Variants in RAB27A observed in about 807,000 individuals in gnomAD.
The protein encoded by RAB27A is ras-related protein Rab-27A.
A neutral mutation model predicts 20.8 loss-of-function variants in RAB27A; 17 were observed. The observed-to-expected ratio is 0.82, with a 90% CI of 0.56 to 1.23. The LOEUF is 1.23. RAB27A is among the 50% of genes most tolerant of loss of function. RAB27A has a pLI of 0.00. For synonymous variants in RAB27A, 85 were observed against 92.8 expected (o/e 0.92, Z 0.48); for missense variants, 277 against 266.7 (o/e 1.04, Z -0.27).
At chr15:55,263,626 G>A (rs544619750) in intron 2 of RAB27A, among the ~76,000 whole-genome samples, 3 of 152,140 alleles carry the variant, frequency 2.0e-5, no homozygotes, top group African/African-American at 4.8e-5. Context: ...AAGGAATAAC[G>A]TTTATGCATT....
At chr15:55,227,015 T>A (rs1240473736) in intron 5 of RAB27A, among the ~76,000 whole-genome samples, 1 of 152,186 alleles carries the variant, frequency 6.6e-6, no homozygotes, top group Admixed American at 6.5e-5. Context: ...CACTGAACAT[T>A]ACACCTTTTT....
At chr15:55,232,757 A>T (rs1247652561) in intron 3 of RAB27A, among the ~76,000 whole-genome samples, 1 of 152,192 alleles carries the variant, frequency 6.6e-6, no homozygotes, top group African/African-American at 2.4e-5. Flanking sequence ...TAAAAATGTA[A>T]CTGCATAGTA....
intron 5 of RAB27A, among the ~76,000 whole-genome samples, chr15:55,225,118 T>C (rs536686156): frequency 1.3e-5 from 2 of 152,352 alleles, no homozygotes; most frequent in South Asian, 4.1e-4. Flanking sequence ...CATCACTGAA[T>C]ACTTAACCAC....
At position 55,299,781 on chromosome 15, in the gene RAB27A, G is replaced by T. The variant is rs193301753; in HGVS notation, c.-112+14258C>A. Among the ~76,000 whole-genome samples, 1,237 of 151,770 alleles carry T rather than the reference G, an allele frequency of 8.2e-3. 11 individuals are homozygous for T. Among genetic ancestry groups the T allele is most frequent in the Middle Eastern group, 0.017 (5 of 292 alleles). On this transcript the variant is annotated intron_variant, in intron 2 of 5. Coordinates refer to the RAB27A transcript ENST00000563262. ...ACTTGGGAGAATTTGGATGATACAT[G>T]AAATTAGATAATAATGTTATAGCAA...
chr15:55,267,503 C>G (rs937526820), intron 2 of RAB27A, among the ~76,000 whole-genome samples: 3 of 152,202 alleles, frequency 2.0e-5, no homozygotes, highest in African/African-American at 7.2e-5. Context: ...GGGCAGGGCC[C>G]CAGCCACGCT....
At chr15:55,230,614 C>T in intron 3 of RAB27A, 128 bp from the exon 4 acceptor site, 1 of 700,120 alleles carries the variant, frequency 1.4e-6, no homozygotes, top group South Asian at 1.6e-5. Flanking sequence ...TGGAATACAA[C>T]CATGTTTGTA....
At chr15:55,311,052 G>A (rs1030966785) in intron 2 of RAB27A, among the ~76,000 whole-genome samples, 4 of 152,078 alleles carry the variant, frequency 2.6e-5, no homozygotes, top group Non-Finnish European at 5.9e-5. Context: ...TCCCACTGAG[G>A]GTCTACACTG....
Position 55,205,363 on chromosome 15 carries a change from G to T in RAB27A, c.*144C>A, listed in dbSNP as rs945624388. On this transcript the variant is annotated 3_prime_UTR_variant, in exon 7 of 7. Transcript: ENST00000336787. The stretch of plus-strand genomic sequence containing the variant: ...GCTGCAACAAATTAATTTTAGAACC[G>T]GATGCTTTATTCGTAGGTCTAATGG... The T allele has an allele frequency of 1.2e-6, 1 of 802,444 alleles. No homozygotes were observed. The highest frequency in any genetic ancestry group is 2.1e-6 in the Non-Finnish European group (1 of 469,294). 49.7% of individuals were successfully genotyped at this position (802,444 alleles called of 1,614,324 possible).
chr15:55,266,185 A>G (rs1250400943), intron 2 of RAB27A, among the ~76,000 whole-genome samples: 1 of 152,224 alleles, frequency 6.6e-6, no homozygotes, highest in East Asian at 1.9e-4. Context: ...TGCCCCTATA[A>G]GAAGAGGCCA....
At chr15:55,223,767 G>T in intron 6 of RAB27A, 122 bp downstream of exon 6, 2 of 1,188,762 alleles carry the variant, frequency 1.7e-6, no homozygotes, top group Non-Finnish European at 2.5e-6. Flanking sequence ...CATTCAACAT[G>T]CCCCAAGGCC....
chr15:55,221,683 G>A (rs898986537), intron 6 of RAB27A, among the ~76,000 whole-genome samples: 24 of 152,108 alleles, frequency 1.6e-4, no homozygotes, highest in African/African-American at 5.6e-4. Context: ...CCACAAAAGA[G>A]ATTTGGGGGC....
At chr15:55,300,914 A>G (rs1259495671) in intron 2 of RAB27A, among the ~76,000 whole-genome samples, 1 of 152,170 alleles carries the variant, frequency 6.6e-6, no homozygotes, top group Non-Finnish European at 1.5e-5. Context: ...AGGACTCTTC[A>G]ATGCCACAAA....
At chr15:55,210,193 G>C (rs1189916626) in intron 6 of RAB27A, among the ~76,000 whole-genome samples, 1 of 140,412 alleles carries the variant, frequency 7.1e-6, no homozygotes, top group Non-Finnish European at 1.5e-5. Context: ...ATATGTATGT[G>C]TGTATACATA....
At chr15:55,245,837 T>C (rs62018087) in intron 2 of RAB27A, among the ~76,000 whole-genome samples, 46,050 of 152,082 alleles carry the variant, frequency 0.3, 8,421 homozygotes, top group East Asian at 0.72. Context: ...GGGCCGGGCA[T>C]GGTGGCTCAT....
At chr15:55,291,920 T>C (rs562932175), upstream of RAB27A, among the ~76,000 whole-genome samples, 6 of 152,246 alleles carry the variant, frequency 3.9e-5, no homozygotes, top group South Asian at 4.1e-4. Context: ...AAGAGTGTTA[T>C]TGGAGCACAG....
intron 2 of RAB27A, among the ~76,000 whole-genome samples, chr15:55,298,156 G>A (rs1306757877): frequency 6.8e-6 from 1 of 146,622 alleles, no homozygotes; most frequent in Non-Finnish European, 1.5e-5. Context: ...TGTCAGCCAA[G>A]ATTGCACCAC....
intron 2 of RAB27A, among the ~76,000 whole-genome samples, chr15:55,258,499 C>G (rs1158738866): frequency 6.6e-6 from 1 of 152,232 alleles, no homozygotes; most frequent in Non-Finnish European, 1.5e-5. Flanking sequence ...CTCAACACAT[C>G]TGAACCAATT....
At chr15:55,266,053 G>A (rs989307197) in intron 2 of RAB27A, among the ~76,000 whole-genome samples, 1 of 152,236 alleles carries the variant, frequency 6.6e-6, no homozygotes, top group African/African-American at 2.4e-5. Flanking sequence ...GTTACCGACT[G>A]AATGTTTGTG....
chr15:55,255,952 G>A (rs1040099193), intron 2 of RAB27A, among the ~76,000 whole-genome samples: 1 of 152,192 alleles, frequency 6.6e-6, no homozygotes, highest in Non-Finnish European at 1.5e-5. Flanking sequence ...CCTGTGGTGA[G>A]CCAGACAGCT....
Sources: gnomAD v4.1 joint callset for allele counts (sites outside exome capture counted in the v4.1 genomes callset) on GRCh38, gnomAD v4.1.1 for gene constraint, MANE v1.5 for transcripts, NCBI Gene and HGNC (gene_info 2026-07-23, HGNC 2026-07-21) for gene names.